Variants in PRELID2 observed in about 807,000 individuals in gnomAD.
The protein encoded by PRELID2 is PRELI domain-containing protein 2.
Under a neutral mutation model 28.4 loss-of-function variants are expected in PRELID2, and 25 were observed. That is an observed-to-expected ratio of 0.88 (90% CI 0.64 to 1.23). The LOEUF (loss-of-function observed/expected upper bound fraction) is 1.23, where lower values mean the gene tolerates loss of function less well. Ranked by LOEUF, PRELID2 falls within the 50% of genes most tolerant of loss-of-function variation. The pLI, the probability that PRELID2 is intolerant of heterozygous loss-of-function variation, is 0.00. For missense variants in PRELID2, 201 were observed against 214.4 expected, an observed-to-expected ratio of 0.94 and a Z score of 0.39; for synonymous variants, 76 against 71.6, an observed-to-expected ratio of 1.06 and a Z score of -0.31.
chr5:145,439,242 C>G, the PRELID2 span, among the ~76,000 whole-genome samples: 1 of 152,066 alleles, frequency 6.6e-6, no homozygotes, highest in Non-Finnish European at 1.5e-5. Flanking sequence ...ATTTAAGAAT[C>G]AGGAGACTTC....
chr5:145,426,518 C>A, the PRELID2 span, among the ~76,000 whole-genome samples: 1 of 152,160 alleles, frequency 6.6e-6, no homozygotes, highest in Non-Finnish European at 1.5e-5. Context: ...TTATTCATTT[C>A]TTTACCAAGT....
intron 1 of PRELID2, among the ~76,000 whole-genome samples, chr5:145,535,739 A>G (rs766424196): frequency 1.3e-5 from 2 of 151,900 alleles, no homozygotes; most frequent in South Asian, 2.1e-4. Flanking sequence ...AGATGAGCCA[A>G]TCATCCTCAT....
At chr5:145,748,214 A>G (rs1561572256) in intron 1 of PRELID2, among the ~76,000 whole-genome samples, 2 of 152,212 alleles carry the variant, frequency 1.3e-5, no homozygotes, top group Non-Finnish European at 2.9e-5. Context: ...GAGGAAGTCA[A>G]ATTGTCTCCG....
At chr5:145,626,003 A>G (rs1269740357) in intron 1 of PRELID2, among the ~76,000 whole-genome samples, 2 of 152,148 alleles carry the variant, frequency 1.3e-5, no homozygotes, top group African/African-American at 4.8e-5. Flanking sequence ...CTGGACCTCT[A>G]TCTCCCATCA....
At chr5:145,250,629 G>T in the PRELID2 span, among the ~76,000 whole-genome samples, 12 of 152,112 alleles carry the variant, frequency 7.9e-5, no homozygotes, top group Admixed American at 7.9e-4. Flanking sequence ...AGTGGCAAGA[G>T]GTAGTGGTTA....
chr5:145,450,430 CA>C, the PRELID2 span, among the ~76,000 whole-genome samples: 1 of 152,042 alleles, frequency 6.6e-6, no homozygotes, highest in Non-Finnish European at 1.5e-5. Context: ...ATTTTCAGCA[CA>C]AGGAGAAGCA....
rs571772297 is a variant in PRELID2, at chr5:145,694,210, T to G, written n.70+70721A>C. ...CAAAACTTTGGTTCTTGTTAACATT[T>G]ACAGTATATTTCTGTTTTTAAACAC... On this transcript the variant is annotated intron_variant and non_coding_transcript_variant, in intron 1 of 2. Coordinates refer to the PRELID2 transcript ENST00000510259. Among the ~76,000 whole-genome samples, 5 of 152,344 alleles carry G rather than the reference T, an allele frequency of 3.3e-5. No homozygotes were observed. The South Asian group carries it at 8.3e-4, about 25-fold the overall frequency.
chr5:145,502,158 G>C (rs1752365323), intron 1 of PRELID2, among the ~76,000 whole-genome samples: 1 of 152,062 alleles, frequency 6.6e-6, no homozygotes, highest in Admixed American at 6.6e-5. Flanking sequence ...TCTGCATCTG[G>C]GGAGGCCTCA....
intron 1 of PRELID2, among the ~76,000 whole-genome samples, chr5:145,623,138 G>T (rs1185783665): frequency 6.6e-6 from 1 of 151,814 alleles, no homozygotes; most frequent in Non-Finnish European, 1.5e-5. Flanking sequence ...TCTGCTACTA[G>T]ATATAAGACC....
chr5:145,587,300 G>A (rs1753166986), intron 1 of PRELID2, among the ~76,000 whole-genome samples: 2 of 152,106 alleles, frequency 1.3e-5, no homozygotes, highest in Non-Finnish European at 2.9e-5. Context: ...AACAGTCCTC[G>A]AGCTTGGAGA....
the PRELID2 span, chr5:145,229,928 T>C: frequency 1.3e-6 from 1 of 750,936 alleles, no homozygotes; most frequent in Non-Finnish European, 2.5e-6. Flanking sequence ...CTCTCTACAA[T>C]GAGGAGCTGA....
intron 1 of PRELID2, among the ~76,000 whole-genome samples, chr5:145,711,370 G>A (rs1184135363): frequency 2.0e-5 from 3 of 152,182 alleles, no homozygotes; most frequent in South Asian, 4.1e-4. Context: ...CTCCTGCTAG[G>A]AGAGAACATA....
the PRELID2 span, among the ~76,000 whole-genome samples, chr5:145,236,220 A>G: frequency 6.6e-6 from 1 of 152,262 alleles, no homozygotes; most frequent in East Asian, 1.9e-4. Context: ...AGAGGATGAT[A>G]TATCCTCAAC....
the PRELID2 span, among the ~76,000 whole-genome samples, chr5:145,249,939 C>G: frequency 1.4e-5 from 2 of 137,964 alleles, no homozygotes; most frequent in South Asian, 4.8e-4. Context: ...CTCTCTCTGT[C>G]TCTCTCTCTC....
At chr5:145,598,717 G>A (rs939020716) in intron 1 of PRELID2, among the ~76,000 whole-genome samples, 1 of 152,052 alleles carries the variant, frequency 6.6e-6, no homozygotes, top group African/African-American at 2.4e-5. Context: ...AGTAAGCACA[G>A]ACAATCTATG....
the PRELID2 span, among the ~76,000 whole-genome samples, chr5:145,461,719 T>A: frequency 6.6e-6 from 1 of 152,206 alleles, no homozygotes; most frequent in Non-Finnish European, 1.5e-5. Flanking sequence ...CTTCAATAAA[T>A]AACAAGTCAT....
At chr5:145,644,729 G>C (rs190670697) in intron 1 of PRELID2, among the ~76,000 whole-genome samples, 71 of 152,142 alleles carry the variant, frequency 4.7e-4, no homozygotes. Flanking sequence ...TGTTCTTATT[G>C]GTTTCAAAGA....
At chr5:145,601,933 T>C (rs949939624) in intron 1 of PRELID2, among the ~76,000 whole-genome samples, 2 of 152,202 alleles carry the variant, frequency 1.3e-5, no homozygotes, top group African/African-American at 4.8e-5. Flanking sequence ...CTTTGGGAAG[T>C]AGTGCAGAGT....
chr5:145,361,411 C>T, the PRELID2 span, among the ~76,000 whole-genome samples: 1 of 152,182 alleles, frequency 6.6e-6, no homozygotes, highest in Non-Finnish European at 1.5e-5. Context: ...CCGAAAGATG[C>T]CTGCCTCTAT....
Sources: gnomAD v4.1 joint callset for allele counts (sites outside exome capture counted in the v4.1 genomes callset) on GRCh38, gnomAD v4.1.1 for gene constraint, MANE v1.5 for transcripts, NCBI Gene and HGNC (gene_info 2026-07-23, HGNC 2026-07-21) for gene names.